ZNF292: variants seen among roughly 807,000 people sequenced by gnomAD.
ZNF292 encodes 16 zinc-finger domain protein.
In ZNF292, 26 loss-of-function variants were observed where a neutral mutation model predicts 217.9. That is an observed-to-expected ratio of 0.12 (90% CI 0.09 to 0.17). The LOEUF (loss-of-function observed/expected upper bound fraction) is 0.17. Among genes scored for constraint, ZNF292 ranks in the 10% least tolerant of loss-of-function variants. ZNF292 has a pLI of 1.00. For synonymous variants in ZNF292, 1,257 were observed against 1,124.1 expected (o/e 1.12, Z -2.37); for missense variants, 2,904 against 3,175.2 (o/e 0.91, Z 2.05).
At position 87,256,020 on chromosome 6, in the gene ZNF292, T is replaced by C; in HGVS notation, c.2391T>C (p.Tyr797=). Residue 797 remains tyrosine (Y), a synonymous_variant, in exon 8 of 8, where the codon TAT becomes TAC. Transcript: ENST00000369577. ...GRIFSEAYLL[Y]DHEAQHYNTY... ...TTTTTTCGGAAGCTTATTTACTATA[T>C]GATCATGAAGCACAACATTATAATA... 6.2e-7 allele frequency: 1 copy of C among 1,607,424 alleles called. No individual in the cohort carries two copies. Among genetic ancestry groups the C allele is most frequent in the South Asian group, 1.1e-5 (1 of 90,324 alleles).
At chr6:87,181,414 C>T (rs979020442) in intron 1 of ZNF292, among the ~76,000 whole-genome samples, 1 of 152,124 alleles carries the variant, frequency 6.6e-6, no homozygotes, top group Non-Finnish European at 1.5e-5. Context: ...CTCTGCCGCT[C>T]TCCACCGCTT....
At chr6:87,215,576 A>G (rs1772712596) in intron 1 of ZNF292, among the ~76,000 whole-genome samples, 1 of 152,164 alleles carries the variant, frequency 6.6e-6, no homozygotes, top group Middle Eastern at 3.2e-3. Context: ...ATGCCTGGTC[A>G]ACTGTTACTT....
In ZNF292 at chr6:87,246,108, G is replaced by C. The variant is rs985798090; in HGVS notation, c.1020+464G>C. Among the ~76,000 whole-genome samples, 57 of 152,284 alleles carry C rather than the reference G, an allele frequency of 3.7e-4. 1 individual carries two copies. Among genetic ancestry groups the C allele is most frequent in the African/African-American group, 1.4e-3 (57 of 41,572 alleles). On this transcript the variant is annotated intron_variant, in intron 7 of 7. Transcript: ENST00000369577. ...TAGCCAGGTGTGGTGGCGTGCACCT[G>C]TAATCCCAGCTACTCAGGAGGCTGA...
chr6:87,231,354 C>T (rs1773646594), intron 4 of ZNF292, among the ~76,000 whole-genome samples: 1 of 152,094 alleles, frequency 6.6e-6, no homozygotes, highest in African/African-American at 2.4e-5. Flanking sequence ...TCTTACCTCA[C>T]ACTGTATAAA....
At chr6:87,162,916 G>A (rs1770797824) in intron 1 of ZNF292, among the ~76,000 whole-genome samples, 1 of 152,162 alleles carries the variant, frequency 6.6e-6, no homozygotes, top group Admixed American at 6.5e-5. Flanking sequence ...TGCTCTTATA[G>A]TTGTAAAATG....
chr6:87,218,800 T>C (rs560259288), intron 4 of ZNF292, 69 bp downstream of exon 4: 2 of 1,460,874 alleles, frequency 1.4e-6, no homozygotes, highest in Non-Finnish European at 1.8e-6. Context: ...AAAGTTGTTT[T>C]GATATAATTT....
At chr6:87,168,465 A>T (rs79284546) in intron 1 of ZNF292, among the ~76,000 whole-genome samples, 4 of 152,156 alleles carry the variant, frequency 2.6e-5, no homozygotes, top group African/African-American at 9.7e-5. Flanking sequence ...GTGATGTTAT[A>T]TATTAGCTTC....
Position 87,260,987 on chromosome 6 carries a change from C to G in ZNF292, c.7358C>G (p.Thr2453Arg), listed in dbSNP as rs1432422417. ...GAKNDVKDSD[T>R]CVSESNDNSR... ...AAGAATGATGTGAAAGATTCTGACA[C>G]GTGTGTATCAGAGAGCAATGATAAT... is the stretch of plus-strand genomic sequence containing the variant. Residue 2453 changes from threonine (T) to arginine (R), a missense_variant, in exon 8 of 8, where the codon ACG (threonine) becomes AGG (arginine). Thr to Arg is a moderately conservative substitution (Grantham distance 71, BLOSUM62 -1). Coordinates refer to ENST00000369577, the MANE Select transcript of ZNF292 (RefSeq NM_015021.3). The G allele has an allele frequency of 1.9e-6, 3 of 1,607,266 alleles. No homozygotes were observed. The highest frequency in any genetic ancestry group is 1.3e-5 in the African/African-American group (1 of 74,734).
Position 87,261,302 on chromosome 6 carries a change from T to C in ZNF292, c.7673T>C (p.Leu2558Ser), listed in dbSNP as rs61744958. ...EKAEPASAAE[L>S]SSVRKEEETA... ...GCTGAACCAGCATCAGCAGCTGAGT[T>C]AAGTAGCGTGCGTAAAGAAGAAGAA... The change falls in exon 8 of 8, where the codon TTA becomes TCA. Residue 2558 changes from leucine to serine, a missense_variant. Transcript: ENST00000369577. 3.5e-5 allele frequency: 56 copies of C among 1,613,434 alleles called. No individual in the cohort carries two copies. The African/African-American group carries it at 6.8e-4, about 20-fold the overall frequency.
At position 87,260,159 on chromosome 6, in the gene ZNF292, G is replaced by T. The variant is rs373090421; in HGVS notation, c.6530G>T (p.Ser2177Ile). Residue 2177 changes from serine (S) to isoleucine (I), a missense_variant, in exon 8 of 8, where the codon AGT becomes ATT. Physicochemically the swap from Ser to Ile is moderately radical, Grantham distance 142. Coordinates refer to ENST00000369577, the MANE Select transcript of ZNF292 (RefSeq NM_015021.3). ...TTGAAAGAATTTCGATGTCAGGTAA[G>T]TGACTGTTCTCGAATTTTCCAAGCA... ...QTLKEFRCQV[S>I]DCSRIFQAIT... 7 of 1,612,934 alleles carry T rather than the reference G, an allele frequency of 4.3e-6. No homozygotes were observed. Among genetic ancestry groups the T allele is most frequent in the Non-Finnish European group, 5.9e-6 (7 of 1,179,234 alleles).
chr6:87,167,019 G>A (rs550934799), intron 1 of ZNF292, among the ~76,000 whole-genome samples: 23 of 152,220 alleles, frequency 1.5e-4, no homozygotes, highest in African/African-American at 5.1e-4. Flanking sequence ...TGTGTTTTCC[G>A]TGTTCTATTG....
chr6:87,166,695 T>G (rs1447320104), intron 1 of ZNF292, among the ~76,000 whole-genome samples: 2 of 152,248 alleles, frequency 1.3e-5, no homozygotes, highest in Non-Finnish European at 2.9e-5. Flanking sequence ...ATAATTTAAC[T>G]TTATTTTCAA....
intron 1 of ZNF292, among the ~76,000 whole-genome samples, chr6:87,186,007 A>G (rs115428565): frequency 6.6e-6 from 1 of 152,136 alleles, no homozygotes; most frequent in African/African-American, 2.4e-5. Flanking sequence ...TTACCTAGGC[A>G]TGATTGATTA....
intron 1 of ZNF292, among the ~76,000 whole-genome samples, chr6:87,212,401 T>TG (rs1466954243): frequency 6.6e-6 from 1 of 152,152 alleles, no homozygotes; most frequent in Non-Finnish European, 1.5e-5. Flanking sequence ...CCTGCAAGAC[T>TG]GGGGGGTGGG....
intron 5 of ZNF292, among the ~76,000 whole-genome samples, chr6:87,238,459 C>T (rs1318427044): frequency 3.3e-5 from 5 of 149,416 alleles, no homozygotes; most frequent in Admixed American, 2.0e-4. Context: ...GCACTCCAGC[C>T]TGGGTGATTG....
At chr6:87,226,980 T>A (rs1773389772) in intron 4 of ZNF292, among the ~76,000 whole-genome samples, 1 of 152,060 alleles carries the variant, frequency 6.6e-6, no homozygotes, top group Non-Finnish European at 1.5e-5. Flanking sequence ...ATGCCTGGCT[T>A]TAATGGGTAT....
intron 6 of ZNF292, among the ~76,000 whole-genome samples, chr6:87,245,261 T>C (rs1184070838): frequency 4.6e-5 from 7 of 152,100 alleles, no homozygotes; most frequent in Non-Finnish European, 1.0e-4. Context: ...TTAGATGCTT[T>C]CCTAGTAGAA....
At chr6:87,218,543 C>G (rs1315217494) in intron 3 of ZNF292, 53 bp from the exon 4 acceptor site, 1 of 1,437,868 alleles carries the variant, frequency 7.0e-7, no homozygotes, top group Admixed American at 2.8e-5. Context: ...GCCTGATAAG[C>G]TTGCTTTTAA....
rs150487291 is a variant in ZNF292 at position 87,205,455 on chromosome 6, G to T, written c.169-10448G>T. ...GGATTTAGTTTCTTAATAGGTAAAG[G>T]ACTATTTTTTTCTATTTCTTTGTGA... On this transcript the variant is annotated intron_variant, in intron 1 of 7. Transcript: ENST00000369577. Among the ~76,000 whole-genome samples the T allele has an allele frequency of 3.4e-3, 513 of 151,884 alleles. 1 individual carries two copies. Among genetic ancestry groups the T allele is most frequent in the African/African-American group, 0.012 (492 of 41,452 alleles).
Sources: allele counts gnomAD v4.1 joint callset (sites outside exome capture counted in the v4.1 genomes callset), GRCh38; gene constraint gnomAD v4.1.1; transcripts MANE v1.5; gene names NCBI Gene and HGNC (gene_info 2026-07-23, HGNC 2026-07-21).